The following RBFOX1 variants were observed in gnomAD, a reference collection of about 807,000 sequenced individuals.
The protein encoded by RBFOX1 is RNA binding protein fox-1 homolog 1.
RBFOX1 carries 8 observed loss-of-function variants against 57.7 expected under a neutral mutation model. That is an observed-to-expected ratio of 0.14 (90% CI 0.08 to 0.25). The LOEUF (loss-of-function observed/expected upper bound fraction) is 0.25. RBFOX1 is among the 10% of genes least tolerant of loss of function. The probability of loss-of-function intolerance (pLI) is 1.00; values close to 1 mark genes in which losing one functional copy is unlikely to be tolerated. For synonymous variants in RBFOX1, 326 were observed against 222.4 expected, an observed-to-expected ratio of 1.47 and a Z score of -4.15; for missense variants, 611 against 548.5, an observed-to-expected ratio of 1.11 and a Z score of -1.14.
intron 3 of RBFOX1, among the ~76,000 whole-genome samples, chr16:5,827,489 T>G (rs1161683700): frequency 6.6e-6 from 1 of 151,912 alleles, no homozygotes; most frequent in African/African-American, 2.4e-5. Context: ...CAACTCTCTA[T>G]GCACCCCGAG....
chr16:5,758,082 A>T (rs1314941080), intron 3 of RBFOX1, among the ~76,000 whole-genome samples: 2 of 152,170 alleles, frequency 1.3e-5, no homozygotes, highest in East Asian at 3.9e-4. Context: ...GGTGATACAG[A>T]ATTCTGAGGC....
chr16:7,546,328 A>AAAAATAAAATAAAATAAAATAAAAT (rs59260994), intron 5 of RBFOX1, among the ~76,000 whole-genome samples: 11 of 148,568 alleles, frequency 7.4e-5, no homozygotes, highest in African/African-American at 2.8e-4. Flanking sequence ...CTCCACCTCA[A>AAAAATAAAATAAAATAAAATAAAAT]AAAATAAAAT....
intron 3 of RBFOX1, among the ~76,000 whole-genome samples, chr16:6,701,316 C>T (rs1320439885): frequency 6.6e-6 from 1 of 152,218 alleles, no homozygotes; most frequent in East Asian, 1.9e-4. Context: ...GCTGACGTCA[C>T]CCCCTGCAGC....
At chr16:7,543,731 T>A (rs552276059) in intron 5 of RBFOX1, among the ~76,000 whole-genome samples, 1 of 151,646 alleles carries the variant, frequency 6.6e-6, no homozygotes, top group Admixed American at 6.6e-5. Flanking sequence ...TTATTTTTTA[T>A]ATATTTATTT....
intron 1 of RBFOX1, among the ~76,000 whole-genome samples, chr16:5,450,886 G>C (rs1164061516): frequency 6.6e-6 from 1 of 152,196 alleles, no homozygotes; most frequent in Admixed American, 6.5e-5. Context: ...GCAGTCCTGT[G>C]CAGCTCAATA....
At chr16:7,051,531 C>G (rs1016839128) in intron 3 of RBFOX1, among the ~76,000 whole-genome samples, 4 of 152,186 alleles carry the variant, frequency 2.6e-5, no homozygotes, top group Admixed American at 2.6e-4. Context: ...ACAATTCTCC[C>G]CAGCACAATC....
intron 4 of RBFOX1, among the ~76,000 whole-genome samples, chr16:5,938,301 C>T (rs1408914930): frequency 6.6e-6 from 1 of 152,194 alleles, no homozygotes; most frequent in Non-Finnish European, 1.5e-5. Flanking sequence ...AGACCAGTGT[C>T]TGGAGCCAGT....
intron 4 of RBFOX1, among the ~76,000 whole-genome samples, chr16:7,419,895 C>T (rs1232070571): frequency 6.7e-6 from 1 of 149,164 alleles, no homozygotes; most frequent in Non-Finnish European, 1.5e-5. Context: ...CCTGCATTGA[C>T]CTAAAAGGAT....
intron 4 of RBFOX1, among the ~76,000 whole-genome samples, chr16:7,155,375 A>C (rs886733581): frequency 6.6e-6 from 1 of 151,982 alleles, no homozygotes; most frequent in Non-Finnish European, 1.5e-5. Context: ...GGGTCACTTA[A>C]GCCAGGAGTT....
intron 1 of RBFOX1, among the ~76,000 whole-genome samples, chr16:5,345,459 A>C (rs901546020): frequency 2.6e-5 from 4 of 152,180 alleles, no homozygotes; most frequent in Admixed American, 6.5e-5. Context: ...GCCGCTGTCC[A>C]CTTCCATCAG....
intron 3 of RBFOX1, among the ~76,000 whole-genome samples, chr16:6,942,603 A>G (rs979028263): frequency 2.6e-5 from 4 of 152,122 alleles, no homozygotes; most frequent in African/African-American, 4.8e-5. Flanking sequence ...ATCAAGACAG[A>G]GTGGACTTTT....
At chr16:6,976,016 A>G (rs532420576) in intron 3 of RBFOX1, among the ~76,000 whole-genome samples, 3 of 152,226 alleles carry the variant, frequency 2.0e-5, no homozygotes, top group Admixed American at 6.5e-5. Context: ...AATCTCAGCT[A>G]TTTGAGAGGC....
chr16:5,845,196 G>A (rs1457837327), intron 3 of RBFOX1, among the ~76,000 whole-genome samples: 1 of 151,900 alleles, frequency 6.6e-6, no homozygotes, highest in Admixed American at 6.6e-5. Context: ...TTTTGCCATG[G>A]AGTCATTGCC....
intron 1 of RBFOX1, among the ~76,000 whole-genome samples, chr16:5,386,997 G>A (rs2066276878): frequency 1.3e-5 from 2 of 152,216 alleles, no homozygotes; most frequent in African/African-American, 2.4e-5. Flanking sequence ...GTTGCAGTGA[G>A]CCGAGATTGT....
chr16:6,862,939 C>G (rs568409376), intron 3 of RBFOX1, among the ~76,000 whole-genome samples: 45 of 151,120 alleles, frequency 3.0e-4, no homozygotes, highest in Middle Eastern at 3.4e-3. Flanking sequence ...GAGCTGAGAT[C>G]ACGGCACTGC....
At chr16:5,934,668 T>C (rs1315694628) in intron 4 of RBFOX1, among the ~76,000 whole-genome samples, 1 of 152,240 alleles carries the variant, frequency 6.6e-6, no homozygotes, top group Non-Finnish European at 1.5e-5. Context: ...TCTGATGTGA[T>C]TACTACACGT....
At chr16:7,528,260 T>A (rs979408696) in intron 5 of RBFOX1, among the ~76,000 whole-genome samples, 14 of 152,236 alleles carry the variant, frequency 9.2e-5, no homozygotes, top group African/African-American at 3.4e-4. Context: ...TGTCCTCATT[T>A]GGTGCTTTGT....
At chr16:7,284,032 A>C (rs1456418287) in intron 4 of RBFOX1, among the ~76,000 whole-genome samples, 1 of 152,238 alleles carries the variant, frequency 6.6e-6, no homozygotes, top group Non-Finnish European at 1.5e-5. Flanking sequence ...AAATGGAATC[A>C]GAAGTACGTA....
chr16:6,347,333 T>C (rs975769361), intron 2 of RBFOX1, among the ~76,000 whole-genome samples: 1 of 152,192 alleles, frequency 6.6e-6, no homozygotes, highest in East Asian at 1.9e-4. Context: ...GGGGGCTTCA[T>C]GTGTGCTGCA....
Sources: allele counts gnomAD v4.1 joint callset (sites outside exome capture counted in the v4.1 genomes callset), GRCh38; gene constraint gnomAD v4.1.1; transcripts MANE v1.5; gene names NCBI Gene and HGNC (gene_info 2026-07-23, HGNC 2026-07-21).